CTDSP1: variants seen among roughly 807,000 people sequenced by gnomAD.
The protein encoded by CTDSP1 is carboxy-terminal domain RNA polymerase II polypeptide A small phosphatase 1.
A neutral mutation model predicts 32.5 loss-of-function variants in CTDSP1; 15 were observed. The observed-to-expected ratio is 0.46, with a 90% CI of 0.31 to 0.71. The LOEUF (loss-of-function observed/expected upper bound fraction) is 0.71. Ranked by LOEUF, CTDSP1 falls within the 30% of genes least tolerant of loss-of-function variation. The pLI, the probability that CTDSP1 is intolerant of heterozygous loss-of-function variation, is 0.05. For synonymous variants in CTDSP1, 185 were observed against 145.4 expected, an observed-to-expected ratio of 1.27 and a Z score of -1.96; for missense variants, 294 against 351.1, an observed-to-expected ratio of 0.84 and a Z score of 1.30.
upstream of CTDSP1, chr2:218,398,492 G>A (rs750605187): frequency 1.1e-5 from 17 of 1,486,540 alleles, no homozygotes; most frequent in East Asian, 3.2e-4. Flanking sequence ...ATCAGTCCCC[G>A]ACAGTCCCCT....
intron 2 of CTDSP1, 24 bp from the exon 3 acceptor site, chr2:218,402,087 C>G: frequency 6.5e-7 from 1 of 1,544,658 alleles, no homozygotes; most frequent in South Asian, 1.1e-5. Context: ...AGAGGCACCC[C>G]AGCCAGCCCC....
At chr2:218,402,941 G>T in intron 4 of CTDSP1, 94 bp from the exon 5 acceptor site, 1 of 892,946 alleles carries the variant, frequency 1.1e-6, no homozygotes. Flanking sequence ...TCCTTCCTGT[G>T]CGCCTCTGCC....
intron 1 of CTDSP1, 44 bp from the exon 2 acceptor site, chr2:218,401,520 G>A (rs753541890): frequency 1.9e-6 from 3 of 1,607,990 alleles, no homozygotes; most frequent in East Asian, 4.5e-5. Context: ...GGATTCTGCA[G>A]GCCAGTGTGC....
chr2:218,400,388 A>G, intron 1 of CTDSP1: 1 of 645,756 alleles, frequency 1.5e-6, no homozygotes, highest in Non-Finnish European at 2.8e-6. Context: ...AGGTGAGGAA[A>G]CTGAGGCAGG....
intron 1 of CTDSP1, chr2:218,400,975 G>A (rs777002513): frequency 2.2e-6 from 1 of 447,692 alleles, no homozygotes; most frequent in Non-Finnish European, 4.5e-6. Flanking sequence ...GGGGCCGGAG[G>A]GGGGTGGGGT....
upstream of CTDSP1, among the ~76,000 whole-genome samples, chr2:218,398,012 GGT>G (rs1559131808): frequency 1.3e-5 from 2 of 152,162 alleles, no homozygotes; most frequent in Non-Finnish European, 2.9e-5. Flanking sequence ...GGGAATGGTG[GGT>G]GTGGGGACAG....
chr2:218,403,271 G>T lies in CTDSP1; in HGVS notation c.511G>T (p.Ala171Ser), dbSNP rs766237091. 1.2e-6 allele frequency: 2 copies of T among 1,613,734 alleles called. No homozygotes were observed. Among genetic ancestry groups the T allele is most frequent in the Admixed American group, 3.3e-5 (2 of 59,974 alleles). Residue 171 changes from alanine (A) to serine (S), a missense_variant, in exon 6 of 7, where the codon GCC becomes TCC. By Grantham distance (99) the Ala-to-Ser change is moderately conservative. Around this residue, in one of 2 missense-constraint regions of CTDSP1, gnomAD observed 146 missense variants for 237.7 expected, o/e 0.61. Transcript: ENST00000273062. ...PVADLLDKWG[A>S]FRARLFRESC... ...AGCTGACCTGCTGGACAAATGGGGG[G>T]CCTTCCGGGCCCGGCTGTTTCGAGA...
intron 4 of CTDSP1, 124 bp downstream of exon 4, chr2:218,402,529 G>C (rs997375985): frequency 6.8e-6 from 7 of 1,023,862 alleles, no homozygotes; most frequent in African/African-American, 3.2e-5. Context: ...GCCCAGAGAG[G>C]GTGTGAGACT....
intron 1 of CTDSP1, chr2:218,401,303 C>T (rs1008380722): frequency 9.2e-6 from 5 of 543,846 alleles, no homozygotes; most frequent in Non-Finnish European, 1.6e-5. Context: ...ACCCCAGGAC[C>T]TCCTTCTCCA....
intron 6 of CTDSP1, 156 bp downstream of exon 6, chr2:218,403,573 T>A: frequency 1.6e-6 from 1 of 628,442 alleles, no homozygotes; most frequent in Non-Finnish European, 2.7e-6. Flanking sequence ...CCCACTCCCC[T>A]CATCCACCTG....
upstream of CTDSP1, chr2:218,399,705 C>T (rs1468140220): frequency 1.0e-6 from 1 of 988,000 alleles, no homozygotes; most frequent in Non-Finnish European, 1.2e-6. Context: ...GGAAGGGAGG[C>T]GACGCCCCCT....
intron 1 of CTDSP1, chr2:218,400,417 C>T (rs1449767418): frequency 1.7e-5 from 9 of 544,018 alleles, no homozygotes; most frequent in Admixed American, 9.1e-5. Flanking sequence ...GGGAACTCTT[C>T]GGGGGTTTCC....
At chr2:218,399,753 T>C (rs1210854256), upstream of CTDSP1, 1 of 1,025,448 alleles carries the variant, frequency 9.8e-7, no homozygotes, top group East Asian at 8.1e-5. Context: ...CGCCTCCCAG[T>C]CCGCCTAGCC....
chr2:218,400,021 C>G lies in CTDSP1; in HGVS notation c.-70C>G. On this transcript the variant is annotated 5_prime_UTR_variant, in exon 1 of 7. Transcript: ENST00000273062. ...CTCCCCTCCCCCCCGCGCCCCGATT[C>G]CGGCCCCAGCCGGGGGGGAGGCCGG... 1.0e-6 allele frequency: 1 copy of G among 976,124 alleles called. No individual in the cohort carries two copies. The highest frequency in any genetic ancestry group is 2.1e-5 in the South Asian group (1 of 46,778). The allele number at this position is 976,124 out of a possible 1,614,324, so 60.5% of individuals were successfully genotyped here. A position where few individuals can be genotyped will look rare whatever the true frequency, so the allele number is the denominator to read the frequency against.
In CTDSP1 at chr2:218,405,777, C is replaced by T. The variant is rs1003941685; in HGVS notation, c.*1352C>T. On this transcript the variant is annotated 3_prime_UTR_variant, in exon 7 of 7. Coordinates refer to ENST00000273062, the MANE Select transcript of CTDSP1 (RefSeq NM_021198.3). ...GTTAAGGGGACCCACATACCAGTGC[C>T]AAGGGGGATGTCAAGTGGTGATGTC... 6.5e-6 allele frequency: 1 copy of T among 152,912 alleles called. No homozygotes were observed. The highest frequency in any genetic ancestry group is 2.4e-5 in the African/African-American group (1 of 41,450). The allele number at this position is 152,912 out of a possible 1,614,324, so 9.5% of individuals were successfully genotyped here.
chr2:218,402,038 G>C (rs529832059), intron 2 of CTDSP1, 73 bp from the exon 3 acceptor site: 9 of 1,057,794 alleles, frequency 8.5e-6, no homozygotes, highest in Admixed American at 2.0e-5. Flanking sequence ...AGACGGCTAG[G>C]GGGAGAAGCC....
At chr2:218,400,829 G>T (rs750454631) in intron 1 of CTDSP1, 3 of 455,336 alleles carry the variant, frequency 6.6e-6, no homozygotes, top group South Asian at 4.6e-5. Context: ...AGCGTGGCTG[G>T]GCCGGGGTGG....
chr2:218,400,319 G>A (rs973831823), intron 1 of CTDSP1, 162 bp downstream of exon 1: 8 of 760,194 alleles, frequency 1.1e-5, no homozygotes, highest in African/African-American at 3.5e-5. Flanking sequence ...TTTGAACTCA[G>A]AGGAGGCTCA....
At chr2:218,400,981 GGGGT>G in intron 1 of CTDSP1, 1 of 442,728 alleles carries the variant, frequency 2.3e-6, no homozygotes, top group Admixed American at 2.5e-5. Context: ...GGAGGGGGGT[GGGGT>G]GGGAGGGGTA....
Sources: allele counts gnomAD v4.1 joint callset (sites outside exome capture counted in the v4.1 genomes callset), GRCh38; gene constraint gnomAD v4.1.1; regional missense constraint gnomAD v4.1.1; transcripts MANE v1.5; gene names NCBI Gene and HGNC (gene_info 2026-07-23, HGNC 2026-07-21).